ANKS6: variants seen among roughly 807,000 people sequenced by gnomAD.
ANKS6 encodes the protein ankyrin repeat and sterile alpha motif domain containing 6.
ANKS6 carries 47 observed loss-of-function variants against 77.9 expected under a neutral mutation model. The observed-to-expected ratio is 0.60, with a 90% CI of 0.48 to 0.77. The LOEUF (loss-of-function observed/expected upper bound fraction) is 0.77, where lower values mean the gene tolerates loss of function less well. Ranked by LOEUF, ANKS6 falls within the 30% of genes least tolerant of loss-of-function variation. The pLI is 0.00. For synonymous variants in ANKS6, 488 were observed against 501.7 expected (o/e 0.97, Z 0.37); for missense variants, 1,150 against 1,159.1 (o/e 0.99, Z 0.11).
chr9:98,783,572 T>C (rs1187207176), intron 4 of ANKS6: 1 of 164,320 alleles, frequency 6.1e-6, no homozygotes, highest in Admixed American at 6.4e-5. Flanking sequence ...GACAATGGTA[T>C]GAATAACCAA....
chr9:98,794,884 C>A (rs544605650), intron 1 of ANKS6, among the ~76,000 whole-genome samples: 1 of 152,286 alleles, frequency 6.6e-6, no homozygotes, highest in South Asian at 2.1e-4. Context: ...TTCTAAATCA[C>A]AATCTCCAGA....
intron 2 of ANKS6, among the ~76,000 whole-genome samples, chr9:98,789,095 CTT>C (rs1427872838): frequency 6.8e-6 from 1 of 147,228 alleles, no homozygotes; most frequent in African/African-American, 2.5e-5. Context: ...TTCAGCATCT[CTT>C]GATTGATGGG....
At chr9:98,740,649 G>T (rs756499165) in intron 14 of ANKS6, among the ~76,000 whole-genome samples, 1 of 152,184 alleles carries the variant, frequency 6.6e-6, no homozygotes, top group African/African-American at 2.4e-5. Context: ...TCCGGCCCTC[G>T]CTGCCTGCTA....
chr9:98,783,942 C>G lies in ANKS6; in HGVS notation c.1112+11G>C. ...TGGCCTTGTCGCTGAGGGCGTGGGG[C>G]TGGCACTGACCCATGGTAGGTTGCC... is the stretch of plus-strand genomic sequence containing the variant. On this transcript the variant is annotated intron_variant, in intron 4 of 14. Coordinates refer to ENST00000353234, the MANE Select transcript of ANKS6 (RefSeq NM_173551.5). The G allele has an allele frequency of 6.4e-7, 1 of 1,566,926 alleles. No individual in the cohort carries two copies. The highest frequency in any genetic ancestry group is 1.2e-5 in the South Asian group (1 of 85,252).
At chr9:98,749,141 T>C (rs575184551) in intron 13 of ANKS6, among the ~76,000 whole-genome samples, 1 of 152,280 alleles carries the variant, frequency 6.6e-6, no homozygotes, top group South Asian at 2.1e-4. Flanking sequence ...CCAGCTCATA[T>C]GTTGCCAGAG....
rs568333814 is a variant in ANKS6 at position 98,733,754 on chromosome 9, T to C, written c.*2765A>G. The C allele has an allele frequency of 1.0e-6, 1 of 985,424 alleles. No homozygotes were observed. 61.0% of individuals were successfully genotyped at this position (985,424 alleles called of 1,614,324 possible). A position where few individuals can be genotyped will look rare whatever the true frequency, so the allele number is the denominator to read the frequency against. ...GGTTGTGAGAGGCCTGTAGCAAAGA[T>C]GATCGTGTAGCTCGCTTTAGTGTCT... On this transcript the variant is annotated 3_prime_UTR_variant, in exon 15 of 15. Coordinates refer to ENST00000353234, the MANE Select transcript of ANKS6 (RefSeq NM_173551.5).
rs1384502488 is a variant in ANKS6, at chr9:98,735,422, G to T, written c.*1097C>A. On this transcript the variant is annotated 3_prime_UTR_variant, in exon 15 of 15. Transcript: ENST00000353234. ...TGGAAAACACTTCAGAAAGCCAGTG[G>T]GTTTTAAAAGTCAGGGCCCCTCTAA... is the stretch of plus-strand genomic sequence containing the variant. The T allele has an allele frequency of 5.1e-6, 6 of 1,170,248 alleles. No individual in the cohort carries two copies. Among genetic ancestry groups the T allele is most frequent in the Non-Finnish European group, 1.1e-6 (1 of 950,808 alleles). 72.5% of individuals were successfully genotyped at this position (1,170,248 alleles called of 1,614,324 possible). A position where few individuals can be genotyped will look rare whatever the true frequency, so the allele number is the denominator to read the frequency against.
chr9:98,767,484 T>C (rs1833365765), intron 11 of ANKS6, among the ~76,000 whole-genome samples: 1 of 152,090 alleles, frequency 6.6e-6, no homozygotes, highest in Non-Finnish European at 1.5e-5. Flanking sequence ...ACAACCCCTA[T>C]CACACTGAGC....
chr9:98,770,191 T>G (rs1038939970), intron 10 of ANKS6, among the ~76,000 whole-genome samples: 1 of 152,192 alleles, frequency 6.6e-6, no homozygotes, highest in African/African-American at 2.4e-5. Context: ...GGTTTTATAA[T>G]GAGGAGTTTC....
At chr9:98,761,293 A>G (rs1260987021) in intron 11 of ANKS6, among the ~76,000 whole-genome samples, 1 of 152,192 alleles carries the variant, frequency 6.6e-6, no homozygotes, top group African/African-American at 2.4e-5. Context: ...TTATAGAGAT[A>G]GGACCTCACT....
At chr9:98,779,057 A>G (rs1834081395) in intron 6 of ANKS6, among the ~76,000 whole-genome samples, 1 of 152,188 alleles carries the variant, frequency 6.6e-6, no homozygotes, top group Non-Finnish European at 1.5e-5. Flanking sequence ...TATGAGAACA[A>G]CACAGTCAGG....
chr9:98,787,793 AGAGT>A (rs2118155712), intron 2 of ANKS6, among the ~76,000 whole-genome samples: 1 of 152,364 alleles, frequency 6.6e-6, no homozygotes, highest in Non-Finnish European at 1.5e-5. Flanking sequence ...ACCCAGGTAC[AGAGT>A]GGGAGAACTG....
intron 9 of ANKS6, among the ~76,000 whole-genome samples, chr9:98,771,572 C>T (rs1833630104): frequency 6.6e-6 from 1 of 152,214 alleles, no homozygotes; most frequent in East Asian, 1.9e-4. Context: ...TCCACCCTGA[C>T]CTCACTCCAC....
At chr9:98,763,871 G>C (rs111358598) in intron 11 of ANKS6, among the ~76,000 whole-genome samples, 1 of 152,046 alleles carries the variant, frequency 6.6e-6, no homozygotes, top group Admixed American at 6.5e-5. Context: ...CAACAACTTA[G>C]ATAAAAGGGA....
At chr9:98,745,788 G>A in intron 13 of ANKS6, 113 bp from the exon 14 acceptor site, 1 of 767,096 alleles carries the variant, frequency 1.3e-6, no homozygotes, top group Non-Finnish European at 2.3e-6. Context: ...GTAAACTGAT[G>A]ATGATTTACT....
chr9:98,775,290 A>C (rs1209981031), intron 8 of ANKS6, among the ~76,000 whole-genome samples: 1 of 152,220 alleles, frequency 6.6e-6, no homozygotes, highest in Non-Finnish European at 1.5e-5. Flanking sequence ...CTGAGCAAAT[A>C]ATCAGGCAAG....
intron 14 of ANKS6, among the ~76,000 whole-genome samples, chr9:98,744,293 A>G (rs533985003): frequency 2.6e-5 from 4 of 152,222 alleles, no homozygotes; most frequent in South Asian, 4.2e-4. Flanking sequence ...TGACAACAAA[A>G]ACCACCACCT....
At chr9:98,793,910 G>C (rs1026388538) in intron 1 of ANKS6, among the ~76,000 whole-genome samples, 2 of 149,682 alleles carry the variant, frequency 1.3e-5, no homozygotes, top group Admixed American at 6.6e-5. Context: ...GCAGCACTTT[G>C]GGAGGCCGAG....
At chr9:98,756,385 G>T (rs774457825) in intron 12 of ANKS6, 35 bp downstream of exon 12, 1 of 1,600,180 alleles carries the variant, frequency 6.2e-7, no homozygotes. Flanking sequence ...ATGGTGAGAG[G>T]AATAGGTGGG....
Sources: gnomAD v4.1 joint callset for allele counts (sites outside exome capture counted in the v4.1 genomes callset) on GRCh38, gnomAD v4.1.1 for gene constraint, MANE v1.5 for transcripts, NCBI Gene and HGNC (gene_info 2026-07-23, HGNC 2026-07-21) for gene names.